Variants in MME observed in about 807,000 individuals in gnomAD.
MME encodes membrane metalloendopeptidase, also known as neprilysin.
In MME, 98 loss-of-function variants were observed where a neutral mutation model predicts 113.2. The ratio of observed to expected loss-of-function variants is 0.87; its 90% CI spans 0.74 to 1.02. The LOEUF is 1.02. Among genes scored for constraint, MME ranks in the 50% least tolerant of loss-of-function variants. MME has a pLI of 0.00. For missense variants in MME, 836 were observed against 896.0 expected, an observed-to-expected ratio of 0.93 and a Z score of 0.86; for synonymous variants, 292 against 300.6, an observed-to-expected ratio of 0.97 and a Z score of 0.30.
At chr3:155,127,105 C>T (rs766585923) in intron 8 of MME, among the ~76,000 whole-genome samples, 78 of 151,746 alleles carry the variant, frequency 5.1e-4, no homozygotes, top group African/African-American at 1.7e-3. Context: ...ATTGACTTAT[C>T]GGCTCCTGTA....
intron 15 of MME, 137 bp downstream of exon 15, chr3:155,147,361 G>T: frequency 1.5e-6 from 1 of 668,312 alleles, no homozygotes; most frequent in Non-Finnish European, 2.8e-6. Context: ...TTCAACGCTG[G>T]TGCCAGAATG....
chr3:155,166,963 C>T lies in MME; in HGVS notation c.1722C>T (p.Asn574=), dbSNP rs1203040476. 1 of 1,613,714 alleles carries T rather than the reference C, an allele frequency of 6.2e-7. No homozygotes were observed. The highest frequency in any genetic ancestry group is 2.2e-5 in the East Asian group (1 of 44,816). The change falls in exon 18 of 23, where the codon AAC becomes AAT. Residue 574 remains asparagine, a synonymous_variant. Transcript: ENST00000360490. ...GTGCCCAGCAGTCCAACTCATTGAA[C>T]TATGGGGGCATCGGCATGGTCATAG... The part of the protein sequence containing the change: ...FFSAQQSNSL[N]YGGIGMVIGH...
chr3:155,076,936 T>C (rs1714767524), upstream of MME, among the ~76,000 whole-genome samples: 1 of 152,202 alleles, frequency 6.6e-6, no homozygotes, highest in South Asian at 2.1e-4. Flanking sequence ...TTCATGGCCA[T>C]CTTGGTTTTG....
upstream of MME, among the ~76,000 whole-genome samples, chr3:155,077,371 A>C (rs1295668324): frequency 6.6e-6 from 1 of 152,176 alleles, no homozygotes; most frequent in Non-Finnish European, 1.5e-5. Context: ...TTTCTCCTCC[A>C]TTCCTATAAG....
chr3:155,163,934 G>A (rs1051924359), intron 17 of MME, among the ~76,000 whole-genome samples: 1 of 152,108 alleles, frequency 6.6e-6, no homozygotes, highest in East Asian at 1.9e-4. Context: ...CTTGAGCTCA[G>A]GAGTTGATAC....
rs1182758894 is a variant in MME at position 155,182,378 on chromosome 3, G to A, written c.*1919G>A. On this transcript the variant is annotated 3_prime_UTR_variant, in exon 23 of 23. Transcript: ENST00000360490. Reference sequence around the variant, plus strand: ...CAAATAGTGCAACTATGAATGTACTGCATGTTACCATCTTACTTGAGCCTT... The same window carrying A: ...CAAATAGTGCAACTATGAATGTACTACATGTTACCATCTTACTTGAGCCTT... 6.6e-6 allele frequency: 1 copy of A among 152,122 alleles called. No individual in the cohort carries two copies. Among genetic ancestry groups the A allele is most frequent in the Non-Finnish European group, 1.5e-5 (1 of 68,020 alleles). 9.4% of individuals were successfully genotyped at this position (152,122 alleles called of 1,614,324 possible).
intron 3 of MME, among the ~76,000 whole-genome samples, chr3:155,098,419 G>T (rs956550409): frequency 1.3e-5 from 2 of 151,988 alleles, no homozygotes; most frequent in Non-Finnish European, 2.9e-5. Flanking sequence ...AGCTGGGCGT[G>T]GTGGTGCCCG....
At chr3:155,078,844 A>C (rs149539086), upstream of MME, among the ~76,000 whole-genome samples, 1 of 152,130 alleles carries the variant, frequency 6.6e-6, no homozygotes, top group Non-Finnish European at 1.5e-5. Flanking sequence ...TTGTGCCTAA[A>C]GTATTTATTT....
chr3:155,125,489 C>G, intron 8 of MME, among the ~76,000 whole-genome samples: 1 of 106,972 alleles, frequency 9.3e-6, no homozygotes, highest in African/African-American at 3.6e-5. Context: ...GAGTCTTGCT[C>G]TGTCCTGTCA....
chr3:155,082,309 A>T (rs1472484437), intron 1 of MME, among the ~76,000 whole-genome samples: 1 of 152,188 alleles, frequency 6.6e-6, no homozygotes, highest in Non-Finnish European at 1.5e-5. Context: ...TTGTCTTCTG[A>T]CATATGCGGG....
intron 22 of MME, among the ~76,000 whole-genome samples, chr3:155,178,552 G>T (rs1712786541): frequency 6.6e-6 from 1 of 152,068 alleles, no homozygotes; most frequent in Admixed American, 6.6e-5. Flanking sequence ...CATTCAGTAT[G>T]TACTGAGTCC....
intron 1 of MME, among the ~76,000 whole-genome samples, chr3:155,067,652 G>C (rs934796262): frequency 5.9e-5 from 9 of 152,028 alleles, no homozygotes; most frequent in African/African-American, 2.2e-4. Context: ...CACCAAAAAA[G>C]ATATATGGAT....
chr3:155,069,546 C>T (rs925240306), intron 1 of MME, among the ~76,000 whole-genome samples: 1 of 152,132 alleles, frequency 6.6e-6, no homozygotes, highest in Admixed American at 6.5e-5. Flanking sequence ...GGCCCTTTTT[C>T]TTTGAGACAC....
Position 155,144,409 on chromosome 3 carries a change from T to A in MME, c.1368T>A (p.Asp456Glu). ...GAGAAGTTTTTATTCAGACTTTAGATGACCTCACTTGGATGGATGCCGAGA... is the reference window on the plus strand; with the variant it reads ...GAGAAGTTTTTATTCAGACTTTAGAAGACCTCACTTGGATGGATGCCGAGA... ...QIREVFIQTL[D>E]DLTWMDAETK... is the part of the protein sequence containing the mutation. Residue 456 changes from aspartate to glutamate, a missense_variant, in exon 14 of 23, where the codon GAT becomes GAA. Physicochemically the swap from Asp to Glu is conservative, Grantham distance 45. Transcript: ENST00000360490. The A allele has an allele frequency of 1.2e-6, 2 of 1,613,240 alleles. No individual in the cohort carries two copies. Among genetic ancestry groups the A allele is most frequent in the East Asian group, 4.5e-5 (2 of 44,768 alleles).
rs1484921016 is a variant in MME, at chr3:155,142,052, A to T, written c.1019A>T (p.Asn340Ile). ...TCAACTGTGAATATTAGTATTACAA[A>T]TGAGGAAGATGTGGTTGTTTATGCT... Reference protein sequence around the residue: ...IMSTVNISITNEEDVVVYAPE... With the variant: ...IMSTVNISITIEEDVVVYAPE... Residue 340 changes from asparagine to isoleucine, a missense_variant, in exon 11 of 23, where the codon AAT becomes ATT. Transcript: ENST00000360490. The T allele has an allele frequency of 1.9e-6, 3 of 1,613,752 alleles. No individual in the cohort carries two copies. The Admixed American group carries it at 5.0e-5, about 27-fold the overall frequency.
At chr3:155,137,974 G>A (rs1031282208) in intron 8 of MME, 128 bp from the exon 9 acceptor site, 2 of 1,056,830 alleles carry the variant, frequency 1.9e-6, no homozygotes, top group African/African-American at 1.6e-5. Context: ...TAAATACTTA[G>A]AAAAGGATTT....
intron 1 of MME, among the ~76,000 whole-genome samples, chr3:155,064,860 A>G (rs2108139701): frequency 6.6e-6 from 1 of 152,262 alleles, no homozygotes; most frequent in Middle Eastern, 3.4e-3. Context: ...TGACTCTTCT[A>G]GCTTCTGGTG....
intron 8 of MME, among the ~76,000 whole-genome samples, chr3:155,133,062 A>AAAAAAATATATATATATAT (rs1553762419): frequency 8.0e-5 from 6 of 75,098 alleles, no homozygotes; most frequent in Non-Finnish European, 1.3e-4. Flanking sequence ...AAAAAAAAAA[A>AAAAAAATATATATATATAT]ATATATATAT....
chr3:155,027,397 A>G (rs985623935), intron 1 of MME, among the ~76,000 whole-genome samples: 8 of 152,144 alleles, frequency 5.3e-5, no homozygotes, highest in Non-Finnish European at 1.2e-4. Flanking sequence ...ATGGTTCTTC[A>G]AGGTTCCAAT....
Sources: gnomAD v4.1 joint callset for allele counts (sites outside exome capture counted in the v4.1 genomes callset) on GRCh38, gnomAD v4.1.1 for gene constraint, MANE v1.5 for transcripts, NCBI Gene and HGNC (gene_info 2026-07-23, HGNC 2026-07-21) for gene names.